KIT: variants seen among roughly 807,000 people sequenced by gnomAD.
KIT encodes the protein KIT proto-oncogene, receptor tyrosine kinase, also known as mast/stem cell growth factor receptor Kit.
A neutral mutation model predicts 105.7 loss-of-function variants in KIT; 16 were observed. The ratio of observed to expected loss-of-function variants is 0.15; its 90% confidence interval spans 0.10 to 0.23. KIT has a LOEUF of 0.23. Ranked by LOEUF, KIT falls within the 10% of genes least tolerant of loss-of-function variation. KIT has a pLI of 1.00. For missense variants in KIT, 858 were observed against 1,213.8 expected (o/e 0.71, Z 4.36); for synonymous variants, 438 against 441.1 (o/e 0.99, Z 0.09).
At chr4:54,729,209 G>A in intron 13 of KIT, 126 bp from the exon 14 acceptor site, 2 of 949,594 alleles carry the variant, frequency 2.1e-6, no homozygotes, top group Non-Finnish European at 3.4e-6. Context: ...ATTGTATTGG[G>A]ACTAAGTAGT....
At chr4:54,718,869 C>T (rs77749056) in intron 7 of KIT, among the ~76,000 whole-genome samples, 9,527 of 152,114 alleles carry the variant, frequency 0.063, 959 homozygotes, top group African/African-American at 0.22. Flanking sequence ...AAATATCTAT[C>T]CTGGGAATTT....
At chr4:54,712,518 T>G (rs1436488069) in intron 7 of KIT, among the ~76,000 whole-genome samples, 2 of 152,186 alleles carry the variant, frequency 1.3e-5, no homozygotes, top group Non-Finnish European at 2.9e-5. Context: ...TCTTTTTTCA[T>G]GCTTCCATTT....
intron 19 of KIT, 22 bp downstream of exon 19, chr4:54,736,842 C>T (rs1173725839): frequency 6.3e-7 from 1 of 1,578,914 alleles, no homozygotes; most frequent in Non-Finnish European, 8.7e-7. Flanking sequence ...AAAATTTTTC[C>T]TTTAGGTCAC....
chr4:54,675,787 T>G (rs776759318), intron 1 of KIT, among the ~76,000 whole-genome samples: 1 of 152,176 alleles, frequency 6.6e-6, no homozygotes, highest in Non-Finnish European at 1.5e-5. Flanking sequence ...AAATGGCAGC[T>G]CAGAGGATCT....
chr4:54,729,274 G>A lies in KIT; in HGVS notation c.1991-61G>A, dbSNP rs1722433631. The A allele has an allele frequency of 3.2e-6, 5 of 1,579,518 alleles. No homozygotes were observed. In the South Asian group the frequency reaches 4.4e-5, roughly 14 times the overall value. Reference sequence around the variant, plus strand: ...CATGACCACCCTTGGGTATTTTTATGGGAGGCAGAATTAATCTATATATCT... The same window carrying A: ...CATGACCACCCTTGGGTATTTTTATAGGAGGCAGAATTAATCTATATATCT... On this transcript the variant is annotated intron_variant, in intron 13 of 20. Coordinates refer to ENST00000288135, the MANE Select transcript of KIT (RefSeq NM_000222.3).
At chr4:54,658,458 T>G (rs888821080) in intron 1 of KIT, among the ~76,000 whole-genome samples, 1 of 152,004 alleles carries the variant, frequency 6.6e-6, no homozygotes, top group South Asian at 2.1e-4. Context: ...TCTCTTGCCG[T>G]GCGAGGCGCG....
chr4:54,665,624 G>T (rs1394702641), intron 1 of KIT, among the ~76,000 whole-genome samples: 1 of 152,192 alleles, frequency 6.6e-6, no homozygotes, highest in Non-Finnish European at 1.5e-5. Flanking sequence ...TATCATGGGT[G>T]TAGGTAACTG....
intron 7 of KIT, among the ~76,000 whole-genome samples, chr4:54,715,936 T>A (rs1235489483): frequency 6.9e-6 from 1 of 145,042 alleles, no homozygotes; most frequent in African/African-American, 2.5e-5. Context: ...TTCAGGAAGA[T>A]CCTCACAAAA....
chr4:54,695,591 C>T lies in KIT; in HGVS notation c.147C>T (p.Arg49=), dbSNP rs72549301. The change falls in exon 2 of 21, where the codon CGC becomes CGT. Residue 49 remains arginine (R), a synonymous_variant. Transcript: ENST00000288135. Reference sequence around the variant, plus strand: ...CAGGAAAATCAGACTTAATAGTCCGCGTGGGCGACGAGATTAGGCTGTTAT... The same window carrying T: ...CAGGAAAATCAGACTTAATAGTCCGTGTGGGCGACGAGATTAGGCTGTTAT... ...IHPGKSDLIV[R]VGDEIRLLCT... is the part of the protein sequence containing the mutation. 1.1e-5 allele frequency: 17 copies of T among 1,614,064 alleles called. No individual in the cohort carries two copies. The highest frequency in any genetic ancestry group is 9.3e-5 in the African/African-American group (7 of 74,926).
chr4:54,730,010 A>G (rs901139792), intron 14 of KIT, among the ~76,000 whole-genome samples: 2 of 152,144 alleles, frequency 1.3e-5, no homozygotes, highest in African/African-American at 2.4e-5. Context: ...TCATCATGCT[A>G]TTAAAAGACA....
At chr4:54,689,343 C>T (rs375740132) in intron 1 of KIT, among the ~76,000 whole-genome samples, 48 of 152,288 alleles carry the variant, frequency 3.2e-4, no homozygotes, top group Middle Eastern at 6.8e-3. Context: ...AACCAGATGA[C>T]TCATGGTGTG....
chr4:54,734,517 C>T (rs78351418), intron 17 of KIT, among the ~76,000 whole-genome samples: 16,865 of 152,076 alleles, frequency 0.11, 1,022 homozygotes, highest in South Asian at 0.19. Flanking sequence ...GGTTAGTGAC[C>T]TTAGTTTGAA....
Position 54,738,696 on chromosome 4 carries a change from CT to C in KIT, c.*142del. On this transcript the variant is annotated 3_prime_UTR_variant, in exon 21 of 21. Coordinates refer to ENST00000288135, the MANE Select transcript of KIT (RefSeq NM_000222.3). ...CTGCAATCCTGTCTTTCTGAGCACA[CT>C]TTAGTGGCCGATGATTTTTGTCATC... 1 of 1,057,822 alleles carries C rather than the reference CT, an allele frequency of 9.5e-7. No individual in the cohort carries two copies. The highest frequency in any genetic ancestry group is 1.4e-6 in the Non-Finnish European group (1 of 690,662). The allele number at this position is 1,057,822 out of a possible 1,614,324, so 65.5% of individuals were successfully genotyped here.
chr4:54,730,478 T>G (rs774820723), intron 14 of KIT, among the ~76,000 whole-genome samples: 1 of 152,172 alleles, frequency 6.6e-6, no homozygotes, highest in Non-Finnish European at 1.5e-5. Context: ...ACTTTTTATT[T>G]TTTTTTAATC....
At chr4:54,737,328 G>A in intron 20 of KIT, 48 bp downstream of exon 20, 2 of 1,231,404 alleles carry the variant, frequency 1.6e-6, no homozygotes, top group Non-Finnish European at 2.4e-6. Flanking sequence ...CCCAGTTCCA[G>A]GTGTGTCCTC....
chr4:54,722,882 T>C (rs1290747929), intron 7 of KIT, among the ~76,000 whole-genome samples: 3 of 135,600 alleles, frequency 2.2e-5, no homozygotes, highest in African/African-American at 9.7e-5. Flanking sequence ...TATTTATATA[T>C]ATGTATTTAT....
intron 14 of KIT, 35 bp from the exon 15 acceptor site, chr4:54,731,293 C>T (rs1057071557): frequency 6.8e-7 from 1 of 1,477,572 alleles, no homozygotes; most frequent in Non-Finnish European, 9.5e-7. Flanking sequence ...ACATGTCCCA[C>T]TTGATTCAGT....
chr4:54,666,616 T>A (rs1717717193), intron 1 of KIT, among the ~76,000 whole-genome samples: 1 of 152,072 alleles, frequency 6.6e-6, no homozygotes, highest in Non-Finnish European at 1.5e-5. Context: ...ATTAGAAGGG[T>A]TGGCAGAGAC....
chr4:54,705,024 C>T (rs1017462325), intron 5 of KIT, among the ~76,000 whole-genome samples: 1 of 152,188 alleles, frequency 6.6e-6, no homozygotes, highest in South Asian at 2.1e-4. Context: ...AAGTGTACTA[C>T]TTTGTTCCTA....
Sources: gnomAD v4.1 joint callset for allele counts (sites outside exome capture counted in the v4.1 genomes callset) on GRCh38, gnomAD v4.1.1 for gene constraint, MANE v1.5 for transcripts, NCBI Gene and HGNC (gene_info 2026-07-23, HGNC 2026-07-21) for gene names.